Variants in ADCY2 observed in about 807,000 individuals in gnomAD.
The protein encoded by ADCY2 is adenylate cyclase 2, also known as adenylate cyclase type 2.
ADCY2 carries 31 observed loss-of-function variants against 125.2 expected under a neutral mutation model. The ratio of observed to expected loss-of-function variants is 0.25; its 90% confidence interval spans 0.19 to 0.33. The LOEUF is 0.33. ADCY2 is among the 10% of genes least tolerant of loss of function. The pLI is 1.00. For missense variants in ADCY2, 904 were observed against 1,418.2 expected (o/e 0.64, Z 5.82); for synonymous variants, 512 against 548.4 (o/e 0.93, Z 0.93).
intron 4 of ADCY2, among the ~76,000 whole-genome samples, chr5:7,639,408 T>A (rs770134483): frequency 1.3e-5 from 2 of 152,226 alleles, no homozygotes; most frequent in Non-Finnish European, 1.5e-5. Context: ...TTAGGACACC[T>A]GTTGCTGCTT....
chr5:7,591,719 G>A (rs1440402084), intron 3 of ADCY2, among the ~76,000 whole-genome samples: 1 of 152,096 alleles, frequency 6.6e-6, no homozygotes, highest in Non-Finnish European at 1.5e-5. Flanking sequence ...CCAGCTCTGG[G>A]CAAAAACCCA....
At chr5:7,727,700 G>T (rs1741974100) in intron 14 of ADCY2, among the ~76,000 whole-genome samples, 1 of 151,956 alleles carries the variant, frequency 6.6e-6, no homozygotes, top group Admixed American at 6.6e-5. Context: ...CAAGTTCTGT[G>T]TGTTACACGG....
intron 4 of ADCY2, among the ~76,000 whole-genome samples, chr5:7,654,457 G>A (rs559317484): frequency 6.6e-6 from 1 of 152,260 alleles, no homozygotes; most frequent in African/African-American, 2.4e-5. Context: ...TAGGCTGTTG[G>A]AGCGACATCC....
chr5:7,468,993 A>G (rs574752913), intron 2 of ADCY2, among the ~76,000 whole-genome samples: 1 of 152,150 alleles, frequency 6.6e-6, no homozygotes, highest in Non-Finnish European at 1.5e-5. Context: ...AGGTCAAGGC[A>G]GAAGAGTGGT....
intron 15 of ADCY2, among the ~76,000 whole-genome samples, chr5:7,750,731 C>T (rs1742784466): frequency 6.6e-6 from 1 of 151,394 alleles, no homozygotes; most frequent in South Asian, 2.1e-4. Flanking sequence ...GTCCATCTAA[C>T]TGTTGTAGAC....
chr5:7,491,241 A>ATC (rs1743152114), intron 2 of ADCY2, among the ~76,000 whole-genome samples: 1 of 152,064 alleles, frequency 6.6e-6, no homozygotes, highest in Non-Finnish European at 1.5e-5. Context: ...TTCAAAAATG[A>ATC]TCTAATTAAA....
chr5:7,693,563 C>T (rs1429847467), intron 5 of ADCY2, among the ~76,000 whole-genome samples: 1 of 151,932 alleles, frequency 6.6e-6, no homozygotes, highest in Non-Finnish European at 1.5e-5. Context: ...GGATTACAGG[C>T]ACCTGCCACT....
chr5:7,498,166 G>C (rs2126498421), intron 2 of ADCY2, among the ~76,000 whole-genome samples: 1 of 150,274 alleles, frequency 6.7e-6, no homozygotes, highest in East Asian at 2.0e-4. Flanking sequence ...TGAAAATATA[G>C]AGATAATCAA....
chr5:7,403,682 C>G (rs553410554), intron 1 of ADCY2, among the ~76,000 whole-genome samples: 1 of 152,206 alleles, frequency 6.6e-6, no homozygotes, highest in East Asian at 1.9e-4. Flanking sequence ...TTTTATCATT[C>G]TTTTACTTGT....
intron 3 of ADCY2, among the ~76,000 whole-genome samples, chr5:7,545,620 T>G (rs1735124182): frequency 6.6e-6 from 1 of 152,106 alleles, no homozygotes; most frequent in South Asian, 2.1e-4. Context: ...ATTTCTACAG[T>G]GTTTATTTTT....
intron 3 of ADCY2, among the ~76,000 whole-genome samples, chr5:7,560,848 C>A (rs766975494): frequency 1.3e-5 from 2 of 152,058 alleles, no homozygotes; most frequent in Non-Finnish European, 2.9e-5. Flanking sequence ...ACCACCATGC[C>A]TGGCTAAATT....
intron 16 of ADCY2, among the ~76,000 whole-genome samples, chr5:7,762,256 G>A (rs539192918): frequency 2.6e-5 from 4 of 152,350 alleles, no homozygotes; most frequent in Non-Finnish European, 5.9e-5. Context: ...TCATAAAACT[G>A]TAGGAAAGTT....
intron 3 of ADCY2, among the ~76,000 whole-genome samples, chr5:7,618,382 C>T (rs1210051780): frequency 6.6e-6 from 1 of 152,106 alleles, no homozygotes; most frequent in African/African-American, 2.4e-5. Flanking sequence ...GTCACAATGC[C>T]AGTTGAAAAT....
chr5:7,801,834 A>G (rs1285990259), intron 20 of ADCY2: 1 of 172,208 alleles, frequency 5.8e-6, no homozygotes, highest in Non-Finnish European at 1.2e-5. Context: ...CTCCCATCCA[A>G]ATACTATAGC....
chr5:7,731,610 TG>T (rs1742106515), intron 14 of ADCY2, among the ~76,000 whole-genome samples: 1 of 151,352 alleles, frequency 6.6e-6, no homozygotes, highest in South Asian at 2.1e-4. Context: ...ATTTTTTTTT[TG>T]TTATTATTTT....
intron 20 of ADCY2, among the ~76,000 whole-genome samples, chr5:7,792,669 A>C (rs1427678669): frequency 3.3e-5 from 5 of 152,240 alleles, no homozygotes; most frequent in Non-Finnish European, 5.9e-5. Flanking sequence ...ATCAGAATAC[A>C]GTTACCCTCC....
intron 3 of ADCY2, among the ~76,000 whole-genome samples, chr5:7,598,088 A>G (rs758841903): frequency 6.6e-6 from 1 of 152,296 alleles, no homozygotes; most frequent in Middle Eastern, 3.4e-3. Flanking sequence ...CAAGATACGC[A>G]TGGTGTGGTG....
chr5:7,788,505 C>G (rs1255097410), intron 19 of ADCY2, among the ~76,000 whole-genome samples: 2 of 152,150 alleles, frequency 1.3e-5, no homozygotes, highest in Non-Finnish European at 2.9e-5. Context: ...TTTAAAATAT[C>G]TTTTTTGCAG....
At chr5:7,658,138 T>C (rs896445619) in intron 4 of ADCY2, 1 of 152,206 alleles carries the variant, frequency 6.6e-6, no homozygotes, top group Non-Finnish European at 1.5e-5. Context: ...AACATGGAGA[T>C]CTTCAGTTGT....
Sources: allele counts gnomAD v4.1 joint callset (sites outside exome capture counted in the v4.1 genomes callset), GRCh38; gene constraint gnomAD v4.1.1; transcripts MANE v1.5; gene names NCBI Gene and HGNC (gene_info 2026-07-23, HGNC 2026-07-21).